ADGRD2: variants seen among roughly 807,000 people sequenced by gnomAD.
The protein encoded by ADGRD2 is G protein-coupled receptor PGR24.
ADGRD2 carries 71 observed loss-of-function variants against 44.4 expected under a neutral mutation model. The observed-to-expected ratio is 1.60, with a 90% confidence interval of 1.32 to 1.95. ADGRD2 has a LOEUF of 1.95. ADGRD2 is among the 30% of genes most tolerant of loss of function. The pLI, the probability that ADGRD2 is intolerant of heterozygous loss-of-function variation, is 0.00. For missense variants in ADGRD2, 1,039 were observed against 512.4 expected (o/e 2.03, Z -9.92); for synonymous variants, 481 against 224.8 (o/e 2.14, Z -10.19).
At chr9:124,477,978 C>T (rs1048264837) in intron 21 of ADGRD2, among the ~76,000 whole-genome samples, 8 of 152,172 alleles carry the variant, frequency 5.3e-5, no homozygotes, top group African/African-American at 1.9e-4. Flanking sequence ...CCACCCGGCC[C>T]GGCTCTCCGG....
At chr9:124,451,853 A>G (rs1831477667), upstream of ADGRD2, among the ~76,000 whole-genome samples, 1 of 152,192 alleles carries the variant, frequency 6.6e-6, no homozygotes, top group South Asian at 2.1e-4. Context: ...GCACTCACTA[A>G]GGGTGACCCC....
intron 16 of ADGRD2, among the ~76,000 whole-genome samples, chr9:124,469,859 T>G (rs757441824): frequency 1.1e-4 from 17 of 152,200 alleles, no homozygotes; most frequent in Non-Finnish European, 2.1e-4. Flanking sequence ...CAGGTACTGA[T>G]AGCCTGCAGG....
chr9:124,468,725 G>A, intron 14 of ADGRD2, 53 bp downstream of exon 17: 1 of 665,708 alleles, frequency 1.5e-6, no homozygotes, highest in South Asian at 1.7e-5. Context: ...ACCTTGCACG[G>A]CCGACCCTGC....
Position 124,470,352 on chromosome 9 carries a change from C to G in ADGRD2, c.2638-142C>G, listed in dbSNP as rs920479538. ...CAAAGTCCAGTCAAAGGTTCTGGCT[C>G]CCTCTAAGTCCTGCTGAGCCATGGT... On this transcript the variant is annotated intron_variant, in intron 16 of 21. Coordinates refer to ENST00000334810, the Ensembl canonical transcript of ADGRD2. The G allele has an allele frequency of 6.9e-6, 4 of 577,696 alleles. No individual in the cohort carries two copies. In the African/African-American group the frequency reaches 7.5e-5, roughly 11 times the overall value. 35.8% of individuals were successfully genotyped at this position (577,696 alleles called of 1,614,324 possible). A position where few individuals can be genotyped will look rare whatever the true frequency, so the allele number is the denominator to read the frequency against.
intron 20 of ADGRD2, 105 bp from the exon 24 acceptor site, chr9:124,476,574 G>A (rs79495585): frequency 1.6e-6 from 1 of 639,044 alleles, no homozygotes; most frequent in East Asian, 2.7e-5. Flanking sequence ...GGGAGGGGGA[G>A]CTGCTGGCGG....
At chr9:124,451,999 C>CGGGGGGGGGGGGG, upstream of ADGRD2, 1 of 340,010 alleles carries the variant, frequency 2.9e-6, no homozygotes, top group Non-Finnish European at 5.8e-6. Context: ...CACTGAATGC[C>CGGGGGGGGGGGGG]CCCCTCCCAC....
At chr9:124,469,437 C>G in exon 16 of ADGRD2, 1 of 718,232 alleles carries the variant, frequency 1.4e-6, no homozygotes, top group Non-Finnish European at 2.6e-6. Flanking sequence ...TCCAGGCCAA[C>G]ACCTGCATCC....
chr9:124,453,024 T>C lies in ADGRD2; in HGVS notation c.282-11T>C, dbSNP rs568226202. The C allele has an allele frequency of 1.4e-5, 9 of 646,256 alleles. No individual in the cohort carries two copies. The African/African-American group carries it at 1.4e-4, about 10-fold the overall frequency. 40.0% of individuals were successfully genotyped at this position (646,256 alleles called of 1,614,324 possible). A position where few individuals can be genotyped will look rare whatever the true frequency, so the allele number is the denominator to read the frequency against. ...GAGGAAACTGAGGTCGCAGCCCACG[T>C]GTCCCTGCAGGTGCGCGCACCACCG... is the stretch of plus-strand genomic sequence containing the variant. On this transcript the variant is annotated splice_polypyrimidine_tract_variant and intron_variant, in intron 2 of 21. Coordinates refer to ENST00000334810, the Ensembl canonical transcript of ADGRD2.
At chr9:124,460,104 ACACACAC>A in intron 10 of ADGRD2, among the ~76,000 whole-genome samples, 1 of 151,788 alleles carries the variant, frequency 6.6e-6, no homozygotes, top group Admixed American at 6.6e-5. Context: ...ACACACACAC[ACACACAC>A]CAACCACAGC....
rs1831589399 is a variant in ADGRD2, at chr9:124,455,056, C to T, written c.1324C>T (p.Gln442Ter). Residue 442 changes from glutamine (Q) to a stop codon, truncating the protein, a stop_gained, in exon 6 of 22, where the codon CAA becomes TAA. Coordinates refer to ENST00000334810, the Ensembl canonical transcript of ADGRD2. LOFTEE classifies it high-confidence loss of function. ...GACAGGCCCCTGGGAGCAGCTGAGCCAAGGCGTTGTATCTGTGGCCAGCCT... is the reference window on the plus strand; with the variant it reads ...GACAGGCCCCTGGGAGCAGCTGAGCTAAGGCGTTGTATCTGTGGCCAGCCT... The T allele has an allele frequency of 1.4e-5, 10 of 718,078 alleles. No individual in the cohort carries two copies. The East Asian group carries it at 2.4e-4, about 17-fold the overall frequency. The allele number at this position is 718,078 out of a possible 1,614,324, so 44.5% of individuals were successfully genotyped here. A position where few individuals can be genotyped will look rare whatever the true frequency, so the allele number is the denominator to read the frequency against.
intron 19 of ADGRD2, among the ~76,000 whole-genome samples, chr9:124,475,821 C>T (rs927284442): frequency 2.0e-5 from 3 of 152,174 alleles, no homozygotes; most frequent in African/African-American, 7.2e-5. Flanking sequence ...GTACTCGCAG[C>T]ACCCAGGTGG....
At chr9:124,462,789 T>C (rs898530021) in intron 10 of ADGRD2, among the ~76,000 whole-genome samples, 2 of 152,218 alleles carry the variant, frequency 1.3e-5, no homozygotes, top group African/African-American at 4.8e-5. Context: ...CAGTAGCTCT[T>C]TTCTGGAACC....
At chr9:124,453,665 T>C in exon 3 of ADGRD2, 1 of 700,398 alleles carries the variant, frequency 1.4e-6, no homozygotes. Context: ...TGGGTGCGCC[T>C]TCTCTGTCCC....
chr9:124,473,533 C>A lies in ADGRD2; in HGVS notation c.2759-1913C>A, dbSNP rs74962423. 3.6e-3 allele frequency among the ~76,000 whole-genome samples: 544 copies of A among 152,346 alleles called. 11 individuals carry two copies. The East Asian group carries it at 0.053, about 15-fold the overall frequency. ...CAATCCCTGGCACGTGCTAGGAGCCCCACGAGTGTGAGCTCATTTGTTTTG... is the reference window on the plus strand; with the variant it reads ...CAATCCCTGGCACGTGCTAGGAGCCACACGAGTGTGAGCTCATTTGTTTTG... On this transcript the variant is annotated intron_variant, in intron 17 of 21. Transcript: ENST00000334810.
In ADGRD2 at chr9:124,468,223, G is replaced by A. The variant is rs1188633576; in HGVS notation, c.2233+33G>A. ...GCCAGTGGGTGGGCTGGAAGCCCGG[G>A]GAAGCCTGGGAAAGTGCCTGTGGGC... On this transcript the variant is annotated intron_variant, in intron 13 of 21. Transcript: ENST00000334810. 5.6e-6 allele frequency: 4 copies of A among 717,860 alleles called. No individual in the cohort carries two copies. In the East Asian group the frequency reaches 8.0e-5, roughly 14 times the overall value. The allele number at this position is 717,860 out of a possible 1,614,324, so 44.5% of individuals were successfully genotyped here.
At chr9:124,474,119 C>CA (rs1419671876) in intron 17 of ADGRD2, among the ~76,000 whole-genome samples, 1 of 151,950 alleles carries the variant, frequency 6.6e-6, no homozygotes, top group Admixed American at 6.6e-5. Context: ...CTACTAAATA[C>CA]AAAAAATTAG....
At chr9:124,466,226 G>A in intron 10 of ADGRD2, 32 bp from the exon 14 acceptor site, 1 of 563,326 alleles carries the variant, frequency 1.8e-6, no homozygotes, top group South Asian at 2.4e-5. Context: ...CTTGCTTCTG[G>A]CCCCTCACCC....
intron 14 of ADGRD2, 127 bp from the exon 18 acceptor site, chr9:124,469,095 T>C: frequency 1.6e-6 from 1 of 612,798 alleles, no homozygotes; most frequent in Non-Finnish European, 2.9e-6. Flanking sequence ...CCCTGCTCCT[T>C]GGACCTCCCC....
Position 124,454,697 on chromosome 9 carries a change from C to T in ADGRD2, c.1108+128C>T. 1.6e-6 allele frequency: 1 copy of T among 634,184 alleles called. No individual in the cohort carries two copies. Among genetic ancestry groups the T allele is most frequent in the Non-Finnish European group, 2.9e-6 (1 of 346,532 alleles). The allele number at this position is 634,184 out of a possible 1,614,324, so 39.3% of individuals were successfully genotyped here. On this transcript the variant is annotated intron_variant, in intron 5 of 21. Transcript: ENST00000334810. This position sits in a 1 kb window ranked among gnomAD's most constrained non-coding sequence, Gnocchi z 4.5. The stretch of plus-strand genomic sequence containing the variant: ...GCAGGAATAAAGGCCATTCAGGCTC[C>T]CTATTCTGTAGCCCCTGAGAGTTGG...
Sources: gnomAD v4.1 joint callset for allele counts (sites outside exome capture counted in the v4.1 genomes callset) on GRCh38, gnomAD v4.1.1 for gene constraint, Gnocchi (gnomAD v3.1) non-coding constraint, MANE v1.5 for transcripts, NCBI Gene and HGNC (gene_info 2026-07-23, HGNC 2026-07-21) for gene names.